TUSC3: variants seen among roughly 807,000 people sequenced by gnomAD.
The protein encoded by TUSC3 is tumor suppressor candidate 3, also known as dolichyl-diphosphooligosaccharide--protein glycosyltransferase subunit TUSC3.
A neutral mutation model predicts 44.8 loss-of-function variants in TUSC3; 45 were observed. The observed-to-expected ratio is 1.00, with a 90% confidence interval of 0.79 to 1.29. The LOEUF is 1.29. Among genes scored for constraint, TUSC3 ranks in the 50% most tolerant of loss-of-function variants. TUSC3 has a pLI of 0.00. For synonymous variants in TUSC3, 212 were observed against 152.9 expected (o/e 1.39, Z -2.85); for missense variants, 519 against 437.9 (o/e 1.19, Z -1.65).
intron 2 of TUSC3, among the ~76,000 whole-genome samples, chr8:15,508,543 G>T (rs1801089890): frequency 7.7e-6 from 1 of 130,154 alleles, no homozygotes; most frequent in African/African-American, 2.9e-5. Context: ...CTCAGTGCAA[G>T]CTCCGCCTCC....
rs760896887 is a variant in TUSC3 at position 15,547,850 on chromosome 8, A to C, written c.138+7282A>C. On this transcript the variant is annotated intron_variant, in intron 1 of 10. Coordinates refer to ENST00000503731, the MANE Select transcript of TUSC3 (RefSeq NM_006765.4). ...GTAACATGAAGGGGAAAGAAAATTT[A>C]TTTTTCACTTTCAAATATCAAACTT... Among the ~76,000 whole-genome samples the C allele has an allele frequency of 5.9e-5, 9 of 151,720 alleles. 1 individual carries two copies. Among genetic ancestry groups the C allele is most frequent in the Non-Finnish European group, 1.0e-4 (7 of 67,874 alleles).
At chr8:15,704,808 G>A (rs1481717165) in intron 6 of TUSC3, among the ~76,000 whole-genome samples, 1 of 151,930 alleles carries the variant, frequency 6.6e-6, no homozygotes, top group Non-Finnish European at 1.5e-5. Context: ...GGAATAGGAA[G>A]GATCGTTACT....
chr8:15,582,908 C>G (rs998166807), intron 1 of TUSC3, among the ~76,000 whole-genome samples: 1 of 152,226 alleles, frequency 6.6e-6, no homozygotes, highest in Admixed American at 6.5e-5. Flanking sequence ...GTTCTTCAGA[C>G]ATACTGAAGA....
At chr8:15,627,763 G>C (rs760587912) in intron 2 of TUSC3, among the ~76,000 whole-genome samples, 1 of 152,234 alleles carries the variant, frequency 6.6e-6, no homozygotes, top group African/African-American at 2.4e-5. Context: ...TGCACGCCCT[G>C]CTCTAGCCAG....
chr8:15,473,749 G>A (rs1345052858), intron 1 of TUSC3, among the ~76,000 whole-genome samples: 2 of 152,068 alleles, frequency 1.3e-5, no homozygotes, highest in African/African-American at 4.8e-5. Context: ...GCTTCAAAGG[G>A]CAAAAAGCAG....
chr8:15,528,441 G>C (rs1801405504), intron 2 of TUSC3, among the ~76,000 whole-genome samples: 1 of 152,214 alleles, frequency 6.6e-6, no homozygotes, highest in African/African-American at 2.4e-5. Flanking sequence ...AGCCAAGTAA[G>C]TTGAATCGGT....
At chr8:15,704,680 T>G (rs1809545912) in intron 6 of TUSC3, among the ~76,000 whole-genome samples, 1 of 152,074 alleles carries the variant, frequency 6.6e-6, no homozygotes, top group Non-Finnish European at 1.5e-5. Flanking sequence ...CCACTGCCCC[T>G]GTGTCTGTCT....
At chr8:15,843,621 T>TATATATATATATATATACACACAC in the TUSC3 span, among the ~76,000 whole-genome samples, 38 of 146,758 alleles carry the variant, frequency 2.6e-4, no homozygotes, top group African/African-American at 1.0e-3. Context: ...TATATATATA[T>TATATATATATATATATACACACAC]ACACGCACAT....
At chr8:15,822,917 T>A in the TUSC3 span, among the ~76,000 whole-genome samples, 2 of 152,122 alleles carry the variant, frequency 1.3e-5, no homozygotes, top group Non-Finnish European at 2.9e-5. Flanking sequence ...ATTGAAGTCA[T>A]ATCTGTATAA....
At chr8:15,661,002 T>C (rs781367290) in intron 4 of TUSC3, among the ~76,000 whole-genome samples, 1 of 151,848 alleles carries the variant, frequency 6.6e-6, no homozygotes, top group Non-Finnish European at 1.5e-5. Context: ...GTATACCCTT[T>C]ATTTAGGTTC....
chr8:15,783,898 G>C, the TUSC3 span, among the ~76,000 whole-genome samples: 3 of 152,172 alleles, frequency 2.0e-5, no homozygotes, highest in African/African-American at 7.2e-5. Flanking sequence ...AAAAGAAGCA[G>C]TGGAATGAAG....
chr8:15,433,759 T>C (rs1374849105), intron 1 of TUSC3, among the ~76,000 whole-genome samples: 1 of 152,166 alleles, frequency 6.6e-6, no homozygotes, highest in African/African-American at 2.4e-5. Flanking sequence ...TCACGTTGTG[T>C]GTTTTAGTTA....
Position 15,559,605 on chromosome 8 carries a change from C to T in TUSC3, c.138+19037C>T, listed in dbSNP as rs201765316. Among the ~76,000 whole-genome samples, 19 of 137,730 alleles carry T rather than the reference C, an allele frequency of 1.4e-4. 1 individual carries two copies. In the East Asian group the frequency reaches 2.7e-3, roughly 20 times the overall value. The allele number at this position is 137,730 out of a possible 152,430, so 90.4% of individuals were successfully genotyped here. On this transcript the variant is annotated intron_variant, in intron 1 of 10. Transcript: ENST00000503731. ...TCTGTCTAATGTTGACGGTGGGGTG[C>T]TAAAGTCTCCCATTATTAATGTGTG...
intron 6 of TUSC3, among the ~76,000 whole-genome samples, chr8:15,680,665 A>G (rs999804516): frequency 2.0e-5 from 3 of 152,072 alleles, no homozygotes. Flanking sequence ...GTCTTGTTCC[A>G]GTTCTCAGGG....
At chr8:15,716,185 G>C (rs1810052164) in intron 6 of TUSC3, among the ~76,000 whole-genome samples, 1 of 152,176 alleles carries the variant, frequency 6.6e-6, no homozygotes, top group African/African-American at 2.4e-5. Flanking sequence ...GAGCCCAGTA[G>C]GTGGAGGTTG....
At chr8:15,766,742 A>T (rs1185323850), downstream of TUSC3, 2 of 152,082 alleles carry the variant, frequency 1.3e-5, no homozygotes, top group Admixed American at 1.3e-4. Flanking sequence ...AGACGACTAG[A>T]TGTTGCTGTA....
intron 1 of TUSC3, among the ~76,000 whole-genome samples, chr8:15,547,688 A>AT (rs11434204): frequency 0.83 from 118,683 of 142,442 alleles, 47,699 homozygotes; most frequent in Non-Finnish European, 0.88. Context: ...TTGGGAAGTG[A>AT]TAGGTCCTCA....
chr8:15,452,629 G>T (rs533237360), intron 1 of TUSC3, among the ~76,000 whole-genome samples: 1 of 152,280 alleles, frequency 6.6e-6, no homozygotes, highest in South Asian at 2.1e-4. Context: ...CGTCTGCCTT[G>T]CTTTGTAGTC....
chr8:15,833,342 G>A, the TUSC3 span, among the ~76,000 whole-genome samples: 3 of 152,148 alleles, frequency 2.0e-5, no homozygotes, highest in Admixed American at 1.3e-4. Flanking sequence ...CATTTGACCA[G>A]CAATCTCATT....
Sources: gnomAD v4.1 joint callset for allele counts (sites outside exome capture counted in the v4.1 genomes callset) on GRCh38, gnomAD v4.1.1 for gene constraint, MANE v1.5 for transcripts, NCBI Gene and HGNC (gene_info 2026-07-23, HGNC 2026-07-21) for gene names.